Variants in GABRG2 observed in about 807,000 individuals in gnomAD.
GABRG2 encodes the protein gamma-aminobutyric acid type A receptor subunit gamma2.
Under a neutral mutation model 56.4 loss-of-function variants are expected in GABRG2, and 16 were observed. That is an observed-to-expected ratio of 0.28 (90% confidence interval 0.19 to 0.43). The LOEUF is 0.43. GABRG2 is among the 20% of genes least tolerant of loss of function. The pLI is 1.00. For missense variants in GABRG2, 327 were observed against 582.7 expected (o/e 0.56, Z 4.52); for synonymous variants, 208 against 205.5 (o/e 1.01, Z -0.10).
intron 6 of GABRG2, among the ~76,000 whole-genome samples, chr5:162,125,113 T>G (rs555353545): frequency 8.7e-4 from 132 of 151,702 alleles, no homozygotes; most frequent in African/African-American, 2.8e-3. Flanking sequence ...TCGGAAAAAA[T>G]AAAACCCTGG....
rs187224842 is a variant in GABRG2, at chr5:162,153,485, A to C, written c.*117A>C. Reference sequence around the variant, plus strand: ...TTGATAATGATCTGAATCTGTTTCTATGTCCAAACCTGGTAAATTTTATAA... The same window carrying C: ...TTGATAATGATCTGAATCTGTTTCTCTGTCCAAACCTGGTAAATTTTATAA... On this transcript the variant is annotated 3_prime_UTR_variant, in exon 10 of 10. Transcript: ENST00000639213. 2 of 1,264,886 alleles carry C rather than the reference A, an allele frequency of 1.6e-6. No homozygotes were observed. The highest frequency in any genetic ancestry group is 3.4e-5 in the Admixed American group (2 of 59,236). 78.4% of individuals were successfully genotyped at this position (1,264,886 alleles called of 1,614,324 possible).
intron 6 of GABRG2, among the ~76,000 whole-genome samples, chr5:162,125,235 A>G (rs915193569): frequency 1.3e-5 from 2 of 151,676 alleles, no homozygotes; most frequent in Admixed American, 6.6e-5. Flanking sequence ...TTATATATAT[A>G]TTTATTTCCA....
At chr5:162,139,983 T>C (rs942160772) in intron 6 of GABRG2, among the ~76,000 whole-genome samples, 41 of 152,210 alleles carry the variant, frequency 2.7e-4, no homozygotes, top group Non-Finnish European at 5.9e-5. Flanking sequence ...AAATTAAATC[T>C]TTTTACTCTT....
At chr5:162,105,059 G>T (rs1028338277) in intron 6 of GABRG2, among the ~76,000 whole-genome samples, 2 of 152,152 alleles carry the variant, frequency 1.3e-5, no homozygotes, top group Non-Finnish European at 2.9e-5. Context: ...ATATTTCCAA[G>T]AGTTGAGGTG....
chr5:162,082,751 T>G (rs1258883315), intron 1 of GABRG2, among the ~76,000 whole-genome samples: 1 of 151,528 alleles, frequency 6.6e-6, no homozygotes, highest in Admixed American at 6.6e-5. Context: ...GAGATAAAAA[T>G]AAGCTATTTA....
intron 1 of GABRG2, among the ~76,000 whole-genome samples, chr5:162,077,423 G>A (rs1304606918): frequency 1.3e-5 from 2 of 152,070 alleles, no homozygotes; most frequent in African/African-American, 4.8e-5. Context: ...TCTAGTTTGA[G>A]GCTAATTGAA....
intron 1 of GABRG2, among the ~76,000 whole-genome samples, chr5:162,078,709 C>T (rs914803750): frequency 6.6e-6 from 1 of 151,420 alleles, no homozygotes. Flanking sequence ...CCGGCCACCC[C>T]GACCTATTAT....
intron 6 of GABRG2, among the ~76,000 whole-genome samples, chr5:162,105,816 C>CACAT (rs1761779556): frequency 7.9e-6 from 1 of 127,148 alleles, no homozygotes; most frequent in Admixed American, 7.8e-5. Context: ...AAAACACATA[C>CACAT]ACACACACAC....
At chr5:162,071,130 C>T (rs994906959) in intron 1 of GABRG2, among the ~76,000 whole-genome samples, 1 of 151,200 alleles carries the variant, frequency 6.6e-6, no homozygotes, top group South Asian at 2.1e-4. Context: ...AAAAATAAAA[C>T]ATATATACAT....
intron 4 of GABRG2, chr5:162,098,376 C>T (rs113386121): frequency 6.5e-6 from 1 of 153,842 alleles, no homozygotes; most frequent in African/African-American, 2.4e-5. Flanking sequence ...TGGGAATAGA[C>T]ATGGGAGAAA....
chr5:162,153,046 C>T, intron 9 of GABRG2, 47 bp from the exon 10 acceptor site: 1 of 1,611,754 alleles, frequency 6.2e-7, no homozygotes, highest in Non-Finnish European at 8.5e-7. Context: ...CCTAGGATCT[C>T]TCGAGAACAA....
At chr5:162,097,978 G>T in intron 4 of GABRG2, 120 bp downstream of exon 4, 1 of 845,518 alleles carries the variant, frequency 1.2e-6, no homozygotes. Flanking sequence ...CTGCATCAGG[G>T]TTGGCATGCT....
intron 5 of GABRG2, chr5:162,103,280 A>C (rs1419710511): frequency 6.5e-6 from 1 of 154,974 alleles, no homozygotes; most frequent in Non-Finnish European, 1.4e-5. Flanking sequence ...TCTCTGTTCT[A>C]TTAGTACAAG....
intron 1 of GABRG2, among the ~76,000 whole-genome samples, chr5:162,084,893 C>T (rs1759942487): frequency 6.6e-6 from 1 of 151,748 alleles, no homozygotes; most frequent in Non-Finnish European, 1.5e-5. Context: ...CTTTATTACA[C>T]TGACTTTGTC....
chr5:162,130,578 C>T (rs1763668835), intron 6 of GABRG2, among the ~76,000 whole-genome samples: 1 of 151,880 alleles, frequency 6.6e-6, no homozygotes, highest in Non-Finnish European at 1.5e-5. Context: ...AGCGCTTCTA[C>T]TAATACGCTT....
intron 6 of GABRG2, among the ~76,000 whole-genome samples, chr5:162,124,041 A>G (rs1056116165): frequency 1.3e-5 from 2 of 151,936 alleles, no homozygotes; most frequent in African/African-American, 4.8e-5. Flanking sequence ...AATGCTCAGT[A>G]GAGGGCCTGA....
At chr5:162,138,705 A>G (rs1764326069) in intron 6 of GABRG2, among the ~76,000 whole-genome samples, 1 of 152,198 alleles carries the variant, frequency 6.6e-6, no homozygotes, top group Non-Finnish European at 1.5e-5. Context: ...AAGAGTGACG[A>G]GAGAGGCACA....
intron 4 of GABRG2, chr5:162,098,068 A>G (rs1761132486): frequency 1.7e-6 from 1 of 580,814 alleles, no homozygotes; most frequent in Non-Finnish European, 3.0e-6. Context: ...AATTATAGGC[A>G]AAGCTTATTT....
At chr5:162,095,833 G>C (rs889502214) in intron 3 of GABRG2, among the ~76,000 whole-genome samples, 5 of 151,948 alleles carry the variant, frequency 3.3e-5, no homozygotes, top group African/African-American at 9.7e-5. Context: ...TACTTGCCAA[G>C]TGCTACTTAC....
Sources: allele counts gnomAD v4.1 joint callset (sites outside exome capture counted in the v4.1 genomes callset), GRCh38; gene constraint gnomAD v4.1.1; transcripts MANE v1.5; gene names NCBI Gene and HGNC (gene_info 2026-07-23, HGNC 2026-07-21).